TMEM170B: variants seen among roughly 807,000 people sequenced by gnomAD.
The protein encoded by TMEM170B is transmembrane protein 170B.
In TMEM170B, 6 loss-of-function variants were observed where a neutral mutation model predicts 13.0. The ratio of observed to expected loss-of-function variants is 0.46; its 90% CI spans 0.25 to 0.91. TMEM170B has a LOEUF of 0.91. Among genes scored for constraint, TMEM170B ranks in the 40% least tolerant of loss-of-function variants. The pLI is 0.17. For missense variants in TMEM170B, 138 were observed against 165.2 expected, an observed-to-expected ratio of 0.84 and a Z score of 0.90; for synonymous variants, 61 against 64.9, an observed-to-expected ratio of 0.94 and a Z score of 0.29.
At chr6:11,563,262 G>A (rs111769397) in intron 1 of TMEM170B, among the ~76,000 whole-genome samples, 1,647 of 152,186 alleles carry the variant, frequency 0.011, 37 homozygotes, top group African/African-American at 0.036. Context: ...CTTGAACCTG[G>A]GAGGTGGAGG....
At chr6:11,546,630 T>A (rs1231447694) in intron 1 of TMEM170B, among the ~76,000 whole-genome samples, 2 of 152,198 alleles carry the variant, frequency 1.3e-5, no homozygotes, top group Middle Eastern at 6.3e-3. Flanking sequence ...TTTACTGAAC[T>A]TTTTTATGTT....
intron 1 of TMEM170B, among the ~76,000 whole-genome samples, chr6:11,545,740 A>G (rs1291141755): frequency 6.6e-6 from 1 of 151,910 alleles, no homozygotes; most frequent in Non-Finnish European, 1.5e-5. Context: ...ACTTGTTTAA[A>G]AAAAAAAGCT....
intron 1 of TMEM170B, among the ~76,000 whole-genome samples, chr6:11,554,529 C>G (rs1463827466): frequency 6.6e-6 from 1 of 151,942 alleles, no homozygotes; most frequent in African/African-American, 2.4e-5. Flanking sequence ...AAATATAGAG[C>G]AATTTTTGAA....
Position 11,575,112 on chromosome 6 carries a change from A to C in TMEM170B, c.269-319A>C, listed in dbSNP as rs1759856707. 6.6e-6 allele frequency among the ~76,000 whole-genome samples: 1 copy of C among 152,180 alleles called. No homozygotes were observed. Among genetic ancestry groups the C allele is most frequent in the East Asian group, 1.9e-4 (1 of 5,186 alleles). ...AATGCTAAAGAGGTCTAGTTAATTG[A>C]ATGCCCAGGTGAGAGGTTGCAATAA... On this transcript the variant is annotated intron_variant, in intron 2 of 2. Transcript: ENST00000379426. The surrounding 1 kb of genome is among the most constrained non-coding windows in gnomAD (Gnocchi z 4.1).
At chr6:11,560,597 A>AG (rs59889449) in intron 1 of TMEM170B, among the ~76,000 whole-genome samples, 8,578 of 151,190 alleles carry the variant, frequency 0.057, 267 homozygotes, top group East Asian at 0.16. Context: ...AAAAAAAAAA[A>AG]AATGAAAAAC....
chr6:11,544,284 C>T (rs1441611451), intron 1 of TMEM170B, among the ~76,000 whole-genome samples: 1 of 152,124 alleles, frequency 6.6e-6, no homozygotes, highest in Non-Finnish European at 1.5e-5. Flanking sequence ...AATACTAGAA[C>T]ATTTCAGATT....
In TMEM170B at chr6:11,578,087, T is replaced by C. The variant is rs941592363; in HGVS notation, c.*2526T>C. On this transcript the variant is annotated 3_prime_UTR_variant, in exon 3 of 3. Coordinates refer to ENST00000379426, the MANE Select transcript of TMEM170B (RefSeq NM_001100829.3). ...CTGCTATATATGAATACAGTCTACT[T>C]GGAAAGCTTTTTTTCAGTGAACACT... 9.2e-5 allele frequency: 14 copies of C among 152,142 alleles called. No homozygotes were observed. The highest frequency in any genetic ancestry group is 3.4e-4 in the African/African-American group (14 of 41,440). 9.4% of individuals were successfully genotyped at this position (152,142 alleles called of 1,614,324 possible).
chr6:11,566,852 T>A (rs541189006), intron 2 of TMEM170B, among the ~76,000 whole-genome samples: 80 of 152,376 alleles, frequency 5.3e-4, no homozygotes, highest in African/African-American at 1.9e-3. Flanking sequence ...GTTGTATTCA[T>A]GCTCATCTGA....
intron 1 of TMEM170B, among the ~76,000 whole-genome samples, chr6:11,555,810 T>G (rs1759579989): frequency 6.6e-6 from 1 of 152,260 alleles, no homozygotes; most frequent in South Asian, 2.1e-4. Context: ...GAGTTGTTTT[T>G]CCTGTTTTTG....
Position 11,562,497 on chromosome 6 carries a change from G to A in TMEM170B, c.98-3169G>A, listed in dbSNP as rs1328944808. Among the ~76,000 whole-genome samples, 3 of 151,348 alleles carry A rather than the reference G, an allele frequency of 2.0e-5. No homozygotes were observed. The East Asian group carries it at 5.8e-4, about 29-fold the overall frequency. On this transcript the variant is annotated intron_variant, in intron 1 of 2. Transcript: ENST00000379426. ...TCTTTGAAATAATTTCAAATTGCAT[G>A]AGTCCATTCTACGTGCCAGTTCTTA... is the stretch of plus-strand genomic sequence containing the variant.
intron 1 of TMEM170B, among the ~76,000 whole-genome samples, chr6:11,543,360 G>A (rs1440144887): frequency 6.6e-6 from 1 of 152,140 alleles, no homozygotes; most frequent in Admixed American, 6.5e-5. Context: ...TGCTGTTAAG[G>A]AAGAATGAAG....
chr6:11,542,891 G>A (rs568138215), intron 1 of TMEM170B, among the ~76,000 whole-genome samples: 108 of 152,242 alleles, frequency 7.1e-4, no homozygotes, highest in Middle Eastern at 3.4e-3. Flanking sequence ...CTAATCTTCA[G>A]AATAACTCTT....
intron 1 of TMEM170B, among the ~76,000 whole-genome samples, chr6:11,554,119 T>C (rs192036120): frequency 1.4e-3 from 218 of 152,232 alleles, no homozygotes; most frequent in African/African-American, 5.1e-3. Context: ...ATGTATTATA[T>C]TGAGAATTTC....
In TMEM170B at chr6:11,577,577, T is replaced by C. The variant is rs1468096426; in HGVS notation, c.*2016T>C. On this transcript the variant is annotated 3_prime_UTR_variant, in exon 3 of 3. Coordinates refer to ENST00000379426, the MANE Select transcript of TMEM170B (RefSeq NM_001100829.3). ...CAGAATGAATACTTATTTTAACATATGTTTATTTTATGATTTAAGAAAGTT... is the reference window on the plus strand; with the variant it reads ...CAGAATGAATACTTATTTTAACATACGTTTATTTTATGATTTAAGAAAGTT... The C allele has an allele frequency of 2.6e-5, 4 of 152,136 alleles. No homozygotes were observed. The highest frequency in any genetic ancestry group is 2.6e-4 in the Admixed American group (4 of 15,268). 9.4% of individuals were successfully genotyped at this position (152,136 alleles called of 1,614,324 possible). A position where few individuals can be genotyped will look rare whatever the true frequency, so the allele number is the denominator to read the frequency against.
rs1035871622 is a variant in TMEM170B, at chr6:11,578,266, G to T, written c.*2705G>T. 2 of 151,894 alleles carry T rather than the reference G, an allele frequency of 1.3e-5. No individual in the cohort carries two copies. Among genetic ancestry groups the T allele is most frequent in the Non-Finnish European group, 2.9e-5 (2 of 67,944 alleles). 9.4% of individuals were successfully genotyped at this position (151,894 alleles called of 1,614,324 possible). A position where few individuals can be genotyped will look rare whatever the true frequency, so the allele number is the denominator to read the frequency against. Reference sequence around the variant, plus strand: ...ACAAAAGTCCTTATTGATGTATTTGGGTTATATACTTTGTTAAAATTCGTA... The same window carrying T: ...ACAAAAGTCCTTATTGATGTATTTGTGTTATATACTTTGTTAAAATTCGTA... On this transcript the variant is annotated 3_prime_UTR_variant, in exon 3 of 3. Transcript: ENST00000379426.
rs1759939133 is a variant in TMEM170B, at chr6:11,580,370, G to C, written c.*4809G>C. The C allele has an allele frequency of 6.6e-6, 1 of 152,052 alleles. No homozygotes were observed. The highest frequency in any genetic ancestry group is 1.5e-5 in the Non-Finnish European group (1 of 68,022). The allele number at this position is 152,052 out of a possible 1,614,324, so 9.4% of individuals were successfully genotyped here. On this transcript the variant is annotated 3_prime_UTR_variant, in exon 3 of 3. Transcript: ENST00000379426. ...AAATTTATGTTCATTATGTAATTCA[G>C]GGAGTAACGATGCCTGGAGCAATTT... is the stretch of plus-strand genomic sequence containing the variant.
intron 1 of TMEM170B, among the ~76,000 whole-genome samples, chr6:11,555,850 A>G (rs1759581134): frequency 6.6e-6 from 1 of 151,722 alleles, no homozygotes; most frequent in African/African-American, 2.4e-5. Context: ...TGATTGAAAA[A>G]GTCTCACTAA....
chr6:11,571,048 A>G (rs1759792631), intron 2 of TMEM170B, among the ~76,000 whole-genome samples: 1 of 152,196 alleles, frequency 6.6e-6, no homozygotes, highest in Non-Finnish European at 1.5e-5. Flanking sequence ...CGATCTAACT[A>G]TGCAAACTGA....
chr6:11,564,813 G>A (rs1475039854), intron 1 of TMEM170B, among the ~76,000 whole-genome samples: 1 of 152,180 alleles, frequency 6.6e-6, no homozygotes, highest in African/African-American at 2.4e-5. Context: ...CAAAGAGCAA[G>A]GACACTCAGT....
Sources: allele counts gnomAD v4.1 joint callset (sites outside exome capture counted in the v4.1 genomes callset), GRCh38; gene constraint gnomAD v4.1.1; non-coding constraint Gnocchi (gnomAD v3.1); transcripts MANE v1.5; gene names NCBI Gene and HGNC (gene_info 2026-07-23, HGNC 2026-07-21).